The following PCDH9 variants were observed in gnomAD, a reference collection of about 807,000 sequenced individuals.
PCDH9 encodes the protein protocadherin 9.
In PCDH9, 24 loss-of-function variants were observed where a neutral mutation model predicts 70.6. The observed-to-expected ratio is 0.34, with a 90% CI of 0.25 to 0.48. The LOEUF (loss-of-function observed/expected upper bound fraction) is 0.48. Among genes scored for constraint, PCDH9 ranks in the 20% least tolerant of loss-of-function variants. PCDH9 has a pLI of 0.99. For synonymous variants in PCDH9, 562 were observed against 558.5 expected, an observed-to-expected ratio of 1.01 and a Z score of -0.09; for missense variants, 1,281 against 1,503.6, an observed-to-expected ratio of 0.85 and a Z score of 2.45.
intron 3 of PCDH9, among the ~76,000 whole-genome samples, chr13:66,835,153 C>T (rs1050168975): frequency 6.6e-6 from 1 of 152,174 alleles, no homozygotes; most frequent in African/African-American, 2.4e-5. Context: ...TCAGCCAGGC[C>T]TAGTTCCAAT....
chr13:66,482,085 G>A (rs748975925), intron 4 of PCDH9, among the ~76,000 whole-genome samples: 1 of 152,112 alleles, frequency 6.6e-6, no homozygotes, highest in Non-Finnish European at 1.5e-5. Flanking sequence ...CAGATAGAGG[G>A]TGAGTTTATT....
chr13:66,546,127 C>G (rs1051681699), intron 4 of PCDH9, among the ~76,000 whole-genome samples: 1 of 151,552 alleles, frequency 6.6e-6, no homozygotes, highest in Non-Finnish European at 1.5e-5. Flanking sequence ...CATGAGCCAC[C>G]GCACCCGGCC....
chr13:66,522,036 C>CATATAT (rs34150352), intron 4 of PCDH9, among the ~76,000 whole-genome samples: 12,476 of 145,116 alleles, frequency 0.086, 637 homozygotes, highest in Non-Finnish European at 0.11. Context: ...TGTATATATA[C>CATATAT]ATATATATAT....
At chr13:67,158,947 G>GACTAA (rs539921593) in intron 2 of PCDH9, among the ~76,000 whole-genome samples, 64 of 152,110 alleles carry the variant, frequency 4.2e-4, no homozygotes, top group Non-Finnish European at 7.4e-4. Flanking sequence ...TCTCCCTGTA[G>GACTAA]ACTAAAGCAC....
chr13:66,844,303 T>C (rs2081167062), intron 3 of PCDH9, among the ~76,000 whole-genome samples: 1 of 152,044 alleles, frequency 6.6e-6, no homozygotes, highest in Non-Finnish European at 1.5e-5. Flanking sequence ...GTCCCTAAAA[T>C]TGGCCAGGCA....
intron 2 of PCDH9, among the ~76,000 whole-genome samples, chr13:66,974,139 T>G (rs1032046535): frequency 4.6e-5 from 7 of 151,974 alleles, no homozygotes; most frequent in African/African-American, 1.7e-4. Context: ...TGAGTCTGTC[T>G]GTATTTTAAA....
At chr13:66,528,892 T>TA (rs1339380227) in intron 4 of PCDH9, among the ~76,000 whole-genome samples, 1 of 152,052 alleles carries the variant, frequency 6.6e-6, no homozygotes, top group African/African-American at 2.4e-5. Context: ...ATGTGTTTTT[T>TA]AAAAAAATAA....
intron 2 of PCDH9, chr13:66,914,871 T>C (rs1362388714): frequency 6.6e-6 from 1 of 151,840 alleles, no homozygotes; most frequent in African/African-American, 2.4e-5. Flanking sequence ...GAAAGAAGAA[T>C]AAAATTCAAA....
At chr13:66,659,676 ATT>A (rs368848878) in intron 3 of PCDH9, among the ~76,000 whole-genome samples, 1 of 148,340 alleles carries the variant, frequency 6.7e-6, no homozygotes, top group Non-Finnish European at 1.5e-5. Context: ...CTTTTTAAAC[ATT>A]TTTTTTTTCT....
chr13:67,077,853 T>C (rs1355160257), intron 2 of PCDH9, among the ~76,000 whole-genome samples: 1 of 151,980 alleles, frequency 6.6e-6, no homozygotes, highest in African/African-American at 2.4e-5. Context: ...CATGCCCACA[T>C]TAAAAAAAAA....
chr13:67,002,073 T>G (rs1326729731), intron 2 of PCDH9: 1 of 152,222 alleles, frequency 6.6e-6, no homozygotes, highest in African/African-American at 2.4e-5. Context: ...GCTAGTTAGA[T>G]TCTCTTGTAG....
chr13:66,428,761 T>G (rs1963432242), intron 4 of PCDH9, among the ~76,000 whole-genome samples: 1 of 151,766 alleles, frequency 6.6e-6, no homozygotes, highest in Admixed American at 6.6e-5. Context: ...TTTTCATAAA[T>G]TAGATTATTA....
chr13:66,912,604 A>C (rs1304259557), intron 2 of PCDH9, among the ~76,000 whole-genome samples: 1 of 152,106 alleles, frequency 6.6e-6, no homozygotes, highest in Non-Finnish European at 1.5e-5. Flanking sequence ...GATTGCATAA[A>C]TGTGTATTCA....
chr13:67,029,549 C>T (rs926791174), intron 2 of PCDH9, among the ~76,000 whole-genome samples: 4 of 152,070 alleles, frequency 2.6e-5, no homozygotes, highest in African/African-American at 9.7e-5. Flanking sequence ...CCCTATGTTC[C>T]CTAGAAAGCA....
At chr13:67,006,328 T>C (rs1428726271) in intron 2 of PCDH9, among the ~76,000 whole-genome samples, 1 of 152,134 alleles carries the variant, frequency 6.6e-6, no homozygotes, top group Non-Finnish European at 1.5e-5. Flanking sequence ...GGAGGATAGA[T>C]TGTGCAGGAA....
chr13:66,770,412 T>G (rs1169026927), intron 3 of PCDH9, among the ~76,000 whole-genome samples: 5 of 128,410 alleles, frequency 3.9e-5, no homozygotes, highest in Non-Finnish European at 3.5e-5. Flanking sequence ...TAGGTTTTAG[T>G]AGTATGCCCA....
chr13:66,334,445 G>A (rs1487306787), intron 4 of PCDH9, among the ~76,000 whole-genome samples: 2 of 152,022 alleles, frequency 1.3e-5, no homozygotes, highest in Admixed American at 6.6e-5. Context: ...CAAACCATCA[G>A]GTTGAAGTTT....
chr13:66,591,706 A>G (rs1459637473), intron 4 of PCDH9, among the ~76,000 whole-genome samples: 1 of 151,664 alleles, frequency 6.6e-6, no homozygotes, highest in East Asian at 1.9e-4. Context: ...TGAATAAGCC[A>G]TTAAAAAAAA....
intron 2 of PCDH9, among the ~76,000 whole-genome samples, chr13:67,034,045 C>T (rs983529907): frequency 3.9e-5 from 6 of 152,064 alleles, no homozygotes; most frequent in Non-Finnish European, 7.4e-5. Flanking sequence ...AGTGCAGTGG[C>T]GTGATCTTGG....
Sources: gnomAD v4.1 joint callset for allele counts (sites outside exome capture counted in the v4.1 genomes callset) on GRCh38, gnomAD v4.1.1 for gene constraint, MANE v1.5 for transcripts, NCBI Gene and HGNC (gene_info 2026-07-23, HGNC 2026-07-21) for gene names.